HNF1B: variants seen among roughly 807,000 people sequenced by gnomAD.
HNF1B encodes hepatocyte nuclear factor 1-beta.
A neutral mutation model predicts 61.7 loss-of-function variants in HNF1B; 8 were observed. The observed-to-expected ratio is 0.13, with a 90% CI of 0.08 to 0.23. The LOEUF (loss-of-function observed/expected upper bound fraction) is 0.23, where lower values mean the gene tolerates loss of function less well. HNF1B is among the 10% of genes least tolerant of loss of function. The probability of loss-of-function intolerance (pLI) is 1.00; values close to 1 mark genes in which losing one functional copy is unlikely to be tolerated. For missense variants in HNF1B, 562 were observed against 714.5 expected (o/e 0.79, Z 2.43); for synonymous variants, 314 against 287.7 (o/e 1.09, Z -0.93).
intron 4 of HNF1B, among the ~76,000 whole-genome samples, chr17:37,712,639 A>T (rs1005475592): frequency 3.3e-5 from 5 of 152,182 alleles, no homozygotes; most frequent in African/African-American, 1.2e-4. Flanking sequence ...CAGTGGGAAG[A>T]CTATGGACTC....
intron 4 of HNF1B, among the ~76,000 whole-genome samples, chr17:37,711,901 C>T (rs114322721): frequency 0.011 from 1,601 of 152,264 alleles, 27 homozygotes; most frequent in South Asian, 0.055. Flanking sequence ...TAGAGCCCCA[C>T]CTTCCAGAGG....
chr17:37,704,814 G>T, intron 6 of HNF1B, 103 bp downstream of exon 6: 2 of 1,260,376 alleles, frequency 1.6e-6, no homozygotes, highest in South Asian at 1.2e-5. Context: ...TACTAGTCGT[G>T]GGTGAGTTTG....
At chr17:37,731,154 A>G (rs1598840127) in intron 4 of HNF1B, 1 of 248,258 alleles carries the variant, frequency 4.0e-6, no homozygotes, top group East Asian at 9.5e-5. Context: ...AGGCAGCCGG[A>G]CCGAGCGAGG....
chr17:37,694,313 T>C (rs2032301169), intron 8 of HNF1B, among the ~76,000 whole-genome samples: 1 of 151,574 alleles, frequency 6.6e-6, no homozygotes, highest in South Asian at 2.1e-4. Flanking sequence ...CCTGTAATCC[T>C]AGCTACTCAG....
At chr17:37,695,366 T>G (rs35204914) in intron 8 of HNF1B, among the ~76,000 whole-genome samples, 123,550 of 152,244 alleles carry the variant, frequency 0.81, 50,794 homozygotes, top group African/African-American at 0.95. Flanking sequence ...TTCAAAGGCT[T>G]TATCAGAAAG....
rs766793933 is a variant in HNF1B, at chr17:37,733,672, G to T, written c.694C>A (p.Arg232Ser). The change falls in exon 3 of 9, where the codon CGC becomes AGC. Residue 232 changes from arginine (R) to serine (S), a missense_variant. Arg to Ser is a moderately radical substitution (Grantham distance 110, BLOSUM62 -1). Coordinates refer to ENST00000617811, the MANE Select transcript of HNF1B (RefSeq NM_000458.4). ...ACSEPTNKKM[R>S]RNRFKWGPAS... ...GGCCCCCATTTGAACCGGTTGCGGC[G>T]CATCTTCTTGTTGGTGGGCTCAGAG... 1 of 1,614,148 alleles carries T rather than the reference G, an allele frequency of 6.2e-7. No individual in the cohort carries two copies. The highest frequency in any genetic ancestry group is 8.5e-7 in the Non-Finnish European group (1 of 1,180,022).
intron 4 of HNF1B, 104 bp from the exon 5 acceptor site, chr17:37,710,767 G>A: frequency 8.4e-7 from 1 of 1,191,414 alleles, no homozygotes; most frequent in South Asian, 1.3e-5. Context: ...AGAAAATAAA[G>A]TTGCTTTCTC....
At chr17:37,693,054 G>A (rs1303134642) in intron 8 of HNF1B, among the ~76,000 whole-genome samples, 1 of 152,054 alleles carries the variant, frequency 6.6e-6, no homozygotes, top group Non-Finnish European at 1.5e-5. Flanking sequence ...GCCAGGTGTG[G>A]TGGCCTGTGC....
chr17:37,694,698 C>T (rs1051844778), intron 8 of HNF1B, among the ~76,000 whole-genome samples: 1 of 152,018 alleles, frequency 6.6e-6, no homozygotes, highest in African/African-American at 2.4e-5. Flanking sequence ...ACCCTCCTTA[C>T]GCCCAGGCAG....
At chr17:37,721,746 T>C (rs1185384763) in intron 4 of HNF1B, among the ~76,000 whole-genome samples, 1 of 149,668 alleles carries the variant, frequency 6.7e-6, no homozygotes, top group Admixed American at 6.7e-5. Flanking sequence ...AGAGACAGGG[T>C]CTCACTCTGT....
At chr17:37,741,473 G>C (rs963133620) in intron 1 of HNF1B, among the ~76,000 whole-genome samples, 3 of 152,124 alleles carry the variant, frequency 2.0e-5, no homozygotes, top group African/African-American at 7.2e-5. Flanking sequence ...ATGAGAAAAC[G>C]AGTTACAGTT....
At position 37,704,087 on chromosome 17, in the gene HNF1B, A is replaced by G. The variant is rs1049297493; in HGVS notation, c.1339+830T>C. 3.3e-5 allele frequency among the ~76,000 whole-genome samples: 5 copies of G among 152,236 alleles called. No homozygotes were observed. In the East Asian group the frequency reaches 9.6e-4, roughly 29 times the overall value. On this transcript the variant is annotated intron_variant, in intron 6 of 8. Transcript: ENST00000617811. Reference sequence around the variant, plus strand: ...TCCAAGGGTCACAAGGATGGTTTTGAGAAACAACGACACCTGAGCTGTCAT... The same window carrying G: ...TCCAAGGGTCACAAGGATGGTTTTGGGAAACAACGACACCTGAGCTGTCAT...
chr17:37,742,148 C>T (rs1392237097), intron 1 of HNF1B, among the ~76,000 whole-genome samples: 1 of 152,240 alleles, frequency 6.6e-6, no homozygotes, highest in Non-Finnish European at 1.5e-5. Context: ...CACGCTCCTT[C>T]TCAAACAATG....
intron 7 of HNF1B, among the ~76,000 whole-genome samples, chr17:37,699,747 G>A (rs922581339): frequency 2.0e-5 from 3 of 152,316 alleles, no homozygotes; most frequent in African/African-American, 7.2e-5. Context: ...CTCTGCTACA[G>A]GCTGTGGCAG....
At chr17:37,699,321 GAT>G (rs2032488087) in intron 7 of HNF1B, 127 bp from the exon 8 acceptor site, 2 of 770,704 alleles carry the variant, frequency 2.6e-6, no homozygotes, top group African/African-American at 3.4e-5. Context: ...TTATAGTGGG[GAT>G]TTCTCATATT....
At chr17:37,701,205 G>A in intron 6 of HNF1B, 28 bp from the exon 7 acceptor site, 1 of 1,545,646 alleles carries the variant, frequency 6.5e-7, no homozygotes, top group Non-Finnish European at 8.7e-7. Flanking sequence ...AAAGATCACA[G>A]ACAGCTCCTG....
intron 8 of HNF1B, among the ~76,000 whole-genome samples, chr17:37,688,380 A>AACACACACACACACACACACAC (rs5820230): frequency 7.3e-6 from 1 of 136,102 alleles, no homozygotes; most frequent in African/African-American, 2.8e-5. Flanking sequence ...GATCCCCCCA[A>AACACACACACACACACACACAC]ACACACACAC....
At chr17:37,715,187 C>T (rs1001573324) in intron 4 of HNF1B, among the ~76,000 whole-genome samples, 3 of 152,066 alleles carry the variant, frequency 2.0e-5, no homozygotes, top group Non-Finnish European at 2.9e-5. Context: ...CGGCAGGAGT[C>T]AGTCACCCTG....
chr17:37,703,369 T>A (rs535495567), intron 6 of HNF1B, among the ~76,000 whole-genome samples: 1 of 151,918 alleles, frequency 6.6e-6, no homozygotes, highest in East Asian at 1.9e-4. Flanking sequence ...AAGAACAAAA[T>A]GGAAAGATGC....
Sources: gnomAD v4.1 joint callset for allele counts (sites outside exome capture counted in the v4.1 genomes callset) on GRCh38, gnomAD v4.1.1 for gene constraint, MANE v1.5 for transcripts, NCBI Gene and HGNC (gene_info 2026-07-23, HGNC 2026-07-21) for gene names.